ZZEF1: variants seen among roughly 807,000 people sequenced by gnomAD.
ZZEF1 encodes zinc finger ZZ-type and EF-hand domain-containing protein 1.
A neutral mutation model predicts 342.8 loss-of-function variants in ZZEF1; 157 were observed. The observed-to-expected ratio is 0.46, with a 90% confidence interval of 0.40 to 0.52. ZZEF1 has a LOEUF of 0.52. Ranked by LOEUF, ZZEF1 falls within the 20% of genes least tolerant of loss-of-function variation. The pLI is 0.00. For missense variants in ZZEF1, 3,480 were observed against 3,725.6 expected (o/e 0.93, Z 1.72); for synonymous variants, 1,505 against 1,429.1 (o/e 1.05, Z -1.20).
At chr17:4,068,178 A>G (rs976111055) in intron 26 of ZZEF1, among the ~76,000 whole-genome samples, 4 of 152,218 alleles carry the variant, frequency 2.6e-5, no homozygotes, top group Non-Finnish European at 4.4e-5. Context: ...TAAATAGAAA[A>G]ACATTCATAA....
rs2057355673 is a variant in ZZEF1 at position 4,064,660 on chromosome 17, T to C, written c.4419A>G (p.Ser1473=). The change falls in exon 29 of 55, where the codon TCA becomes TCG. Residue 1473 remains serine, a synonymous_variant. Coordinates refer to ENST00000381638, the MANE Select transcript of ZZEF1 (RefSeq NM_015113.4). The stretch of plus-strand genomic sequence containing the variant: ...GGGGTGCGGCTTCAGTGGGAGATAC[T>C]GAGGCTTGGAAATGCTCTTCCACCA... ...SSVVEEHFQA[S]VSPTEAAPPA... 2.5e-6 allele frequency: 4 copies of C among 1,614,206 alleles called. No homozygotes were observed. Among genetic ancestry groups the C allele is most frequent in the Non-Finnish European group, 3.4e-6 (4 of 1,180,038 alleles).
chr17:4,124,668 G>A (rs1476944967), intron 1 of ZZEF1, among the ~76,000 whole-genome samples: 1 of 150,058 alleles, frequency 6.7e-6, no homozygotes, highest in East Asian at 2.0e-4. Context: ...ATGTTGGCCA[G>A]GCTGGTCTCA....
intron 42 of ZZEF1, among the ~76,000 whole-genome samples, chr17:4,025,507 C>T (rs2056382323): frequency 6.6e-6 from 1 of 152,066 alleles, no homozygotes; most frequent in Non-Finnish European, 1.5e-5. Context: ...GTCAACATGG[C>T]AAAACCCCGT....
At chr17:4,036,813 ACACACTCTCTCTCT>A (rs1158744478) in intron 39 of ZZEF1, among the ~76,000 whole-genome samples, 213 of 96,648 alleles carry the variant, frequency 2.2e-3, no homozygotes, top group Middle Eastern at 9.4e-3. Context: ...ACACACACAC[ACACACTCTCTCTCT>A]CTCTCTCTCT....
At position 4,072,760 on chromosome 17, in the gene ZZEF1, G is replaced by C; in HGVS notation, c.3686-4C>G. On this transcript the variant is annotated splice_region_variant and splice_polypyrimidine_tract_variant and intron_variant, in intron 24 of 54. Coordinates refer to ENST00000381638, the MANE Select transcript of ZZEF1 (RefSeq NM_015113.4). ...ACTACCATGTTACTTCCTAACTCTA[G>C]AAAGAGAAGAAGACATATGACAGTT... 6.2e-7 allele frequency: 1 copy of C among 1,607,650 alleles called. No individual in the cohort carries two copies. Among genetic ancestry groups the C allele is most frequent in the Non-Finnish European group, 8.5e-7 (1 of 1,176,430 alleles).
intron 33 of ZZEF1, among the ~76,000 whole-genome samples, chr17:4,054,922 G>C (rs1359033610): frequency 6.6e-6 from 1 of 152,190 alleles, no homozygotes; most frequent in Non-Finnish European, 1.5e-5. Flanking sequence ...TGTTGAGGCA[G>C]AAGTGGGAAA....
In ZZEF1 at chr17:4,042,568, T is replaced by G. The variant is rs761953031; in HGVS notation, c.6167A>C (p.Asp2056Ala). 1 of 1,609,922 alleles carries G rather than the reference T, an allele frequency of 6.2e-7. No individual in the cohort carries two copies. Among genetic ancestry groups the G allele is most frequent in the South Asian group, 1.1e-5 (1 of 90,250 alleles). Reference protein sequence around the residue: ...ADASPPTGLPDAEDSEVSSQK... With the variant: ...ADASPPTGLPAAEDSEVSSQK... Reference sequence around the variant, plus strand: ...AGATGACACTTCTGAATCTTCAGCATCTAAGTGGTAAAACAAACTTTCAGA... The same window carrying G: ...AGATGACACTTCTGAATCTTCAGCAGCTAAGTGGTAAAACAAACTTTCAGA... Residue 2056 changes from aspartate (D) to alanine (A), a missense_variant and splice_region_variant, in exon 39 of 55, where the codon GAT becomes GCT. Physicochemically the swap from Asp to Ala is moderately radical, Grantham distance 126. This residue lies in a region of ZZEF1 where 1,269 missense variants were observed against 1,342.4 expected (regional missense o/e 0.95). Transcript: ENST00000381638.
At chr17:4,023,475 T>G (rs901836933) in intron 43 of ZZEF1, among the ~76,000 whole-genome samples, 10 of 152,058 alleles carry the variant, frequency 6.6e-5, no homozygotes, top group African/African-American at 2.4e-4. Context: ...CCTTTCCTAC[T>G]ATGATGTAAA....
At chr17:4,056,145 C>A in intron 33 of ZZEF1, 71 bp downstream of exon 33, 3 of 1,403,824 alleles carry the variant, frequency 2.1e-6, no homozygotes, top group Non-Finnish European at 2.8e-6. Flanking sequence ...CTGCCAGAAC[C>A]CCCCCAGGCA....
chr17:4,026,053 G>C (rs769895778), intron 42 of ZZEF1, among the ~76,000 whole-genome samples: 21 of 152,270 alleles, frequency 1.4e-4, no homozygotes, highest in Non-Finnish European at 1.5e-4. Context: ...AGAGAGAGGG[G>C]TGGGTTGGGG....
At chr17:4,090,983 CAT>C (rs1334814092) in intron 11 of ZZEF1, among the ~76,000 whole-genome samples, 153 bp from the exon 12 acceptor site, 1 of 152,240 alleles carries the variant, frequency 6.6e-6, no homozygotes, top group African/African-American at 2.4e-5. Flanking sequence ...CCTGTGAGCA[CAT>C]GAGACAGTTG....
intron 3 of ZZEF1, among the ~76,000 whole-genome samples, chr17:4,115,111 T>C (rs1189790547): frequency 6.6e-6 from 1 of 152,090 alleles, no homozygotes; most frequent in Admixed American, 6.6e-5. Context: ...AGCCTCGATC[T>C]CCTAGGCTCA....
Position 4,006,961 on chromosome 17 carries a change from T to G in ZZEF1, c.8815A>C (p.Asn2939His). The change falls in exon 55 of 55, where the codon AAC (asparagine) becomes CAC (histidine). Residue 2939 changes from asparagine (N) to histidine (H), a missense_variant. Asn to His is a moderately conservative substitution (Grantham distance 68). Coordinates refer to ENST00000381638, the MANE Select transcript of ZZEF1 (RefSeq NM_015113.4). ...LLRCAAQALQ[N>H]IAAISLAINY... ...ATGGCCAGGCTGATGGCAGCAATGT[T>G]CTGCAGAGCCTGTAGAGGGAAAAAG... 1.3e-6 allele frequency: 2 copies of G among 1,583,638 alleles called. No individual in the cohort carries two copies. The highest frequency in any genetic ancestry group is 1.7e-6 in the Non-Finnish European group (2 of 1,163,420).
At chr17:4,019,884 T>G (rs373115045) in intron 45 of ZZEF1, 115 bp from the exon 46 acceptor site, 2 of 706,914 alleles carry the variant, frequency 2.8e-6, no homozygotes, top group Non-Finnish European at 4.5e-6. Flanking sequence ...CAGGTTATAA[T>G]TGAGGAACAT....
chr17:4,139,878 A>G (rs2058814392), intron 1 of ZZEF1, among the ~76,000 whole-genome samples: 1 of 152,254 alleles, frequency 6.6e-6, no homozygotes, highest in African/African-American at 2.4e-5. Context: ...TGGCCACGGA[A>G]AAAGAATCTT....
In ZZEF1 at chr17:4,008,705, G is replaced by A; in HGVS notation, c.8805+178C>T. 1 of 1,380,498 alleles carries A rather than the reference G, an allele frequency of 7.2e-7. No homozygotes were observed. Among genetic ancestry groups the A allele is most frequent in the East Asian group, 2.7e-5 (1 of 36,662 alleles). The allele number at this position is 1,380,498 out of a possible 1,614,324, so 85.5% of individuals were successfully genotyped here. On this transcript the variant is annotated intron_variant, in intron 54 of 54. Coordinates refer to ENST00000381638, the MANE Select transcript of ZZEF1 (RefSeq NM_015113.4). This position sits in a 1 kb window ranked among gnomAD's most constrained non-coding sequence, Gnocchi z 4.2. ...TAGAGTGAATGACTCTGATAAATGGGGCTCGTGCATGCTCTCTGAGCACCA... is the reference window on the plus strand; with the variant it reads ...TAGAGTGAATGACTCTGATAAATGGAGCTCGTGCATGCTCTCTGAGCACCA...
Position 4,142,610 on chromosome 17 carries a change from T to A in ZZEF1, c.286A>T (p.Thr96Ser). The A allele has an allele frequency of 6.2e-7, 1 of 1,604,694 alleles. No homozygotes were observed. Among genetic ancestry groups the A allele is most frequent in the East Asian group, 2.2e-5 (1 of 44,744 alleles). ...AGCAGCTCCCGGAACTGCTCCAGAG[T>A]GACAGACTCTTCGCCGCGGCCCAGC... ...ERLGRGEESV[T>S]LEQFRELLEA... The change falls in exon 1 of 55, where the codon ACT becomes TCT. Residue 96 changes from threonine to serine, a missense_variant. Around this residue, in one of 5 missense-constraint regions of ZZEF1, gnomAD observed 416 missense variants for 374.2 expected, o/e 1.11. Coordinates refer to ENST00000381638, the MANE Select transcript of ZZEF1 (RefSeq NM_015113.4).
chr17:4,009,442 G>A (rs1195859328), intron 53 of ZZEF1, 162 bp downstream of exon 53: 5 of 974,234 alleles, frequency 5.1e-6, no homozygotes, highest in Non-Finnish European at 7.7e-6. Context: ...CCCAGGCCTG[G>A]GAGAGGCGAG....
chr17:4,088,220 G>A (rs1156835139), intron 13 of ZZEF1, among the ~76,000 whole-genome samples: 4 of 152,152 alleles, frequency 2.6e-5, no homozygotes, highest in South Asian at 2.1e-4. Flanking sequence ...ATTACTGACT[G>A]TAAGAGTCAG....
Sources: allele counts gnomAD v4.1 joint callset (sites outside exome capture counted in the v4.1 genomes callset), GRCh38; gene constraint gnomAD v4.1.1; regional missense constraint gnomAD v4.1.1; non-coding constraint Gnocchi (gnomAD v3.1); transcripts MANE v1.5; gene names NCBI Gene and HGNC (gene_info 2026-07-23, HGNC 2026-07-21).